Variants in ACYP2 observed in about 807,000 individuals in gnomAD.
ACYP2 encodes acylphosphatase 2.
A neutral mutation model predicts 11.2 loss-of-function variants in ACYP2; 12 were observed. The ratio of observed to expected loss-of-function variants is 1.08; its 90% CI spans 0.69 to 1.74. The LOEUF is 1.74. Ranked by LOEUF, ACYP2 falls within the 40% of genes most tolerant of loss-of-function variation. ACYP2 has a pLI of 0.00. For synonymous variants in ACYP2, 43 were observed against 32.2 expected (o/e 1.33, Z -1.13); for missense variants, 134 against 101.9 (o/e 1.31, Z -1.35).
intron 6 of ACYP2, among the ~76,000 whole-genome samples, chr2:54,198,915 C>G (rs1352007361): frequency 1.3e-5 from 2 of 152,206 alleles, no homozygotes; most frequent in Non-Finnish European, 2.9e-5. Context: ...CCAACACTCT[C>G]TCCCCTCAGC....
chr2:54,234,380 T>C lies in ACYP2; in HGVS notation c.405-70308T>C, dbSNP rs78112166. ...GCCACCTCTACATCTTGGTAGCCAT[T>C]GCTTTGATTGTGCTTTGTCTTCATG... On this transcript the variant is annotated intron_variant, in intron 6 of 6. Coordinates refer to ENST00000607452, the MANE Select transcript of ACYP2 (RefSeq NM_001320586.2). Among the ~76,000 whole-genome samples, 589 of 152,344 alleles carry C rather than the reference T, an allele frequency of 3.9e-3. 1 individual carries two copies. The highest frequency in any genetic ancestry group is 4.4e-3 in the Non-Finnish European group (296 of 68,038).
At chr2:54,177,500 C>T (rs1683510968) in intron 6 of ACYP2, among the ~76,000 whole-genome samples, 1 of 152,056 alleles carries the variant, frequency 6.6e-6, no homozygotes. Flanking sequence ...CCACACCTTG[C>T]AATTAGTCAG....
chr2:54,048,355 G>A (rs1379016568), intron 2 of ACYP2, among the ~76,000 whole-genome samples: 1 of 152,126 alleles, frequency 6.6e-6, no homozygotes, highest in African/African-American at 2.4e-5. Context: ...GAACAAGGGA[G>A]GTCAAGGGTG....
intron 2 of ACYP2, among the ~76,000 whole-genome samples, chr2:53,980,245 T>C (rs1671683409): frequency 6.6e-6 from 1 of 151,918 alleles, no homozygotes; most frequent in Non-Finnish European, 1.5e-5. Flanking sequence ...CCCAGCTACC[T>C]GGGAGGCTGA....
intron 2 of ACYP2, among the ~76,000 whole-genome samples, chr2:53,982,739 C>T (rs1230926815): frequency 6.6e-6 from 1 of 151,782 alleles, no homozygotes; most frequent in Non-Finnish European, 1.5e-5. Flanking sequence ...TTCTGTTGTC[C>T]CAGTTTGGCA....
chr2:54,215,648 G>A (rs1285936725), intron 6 of ACYP2, among the ~76,000 whole-genome samples: 1 of 152,028 alleles, frequency 6.6e-6, no homozygotes, highest in Non-Finnish European at 1.5e-5. Context: ...AATAAATTGT[G>A]TAAATTTATA....
At chr2:54,102,439 T>G (rs1317431505) in intron 4 of ACYP2, among the ~76,000 whole-genome samples, 2 of 152,066 alleles carry the variant, frequency 1.3e-5, no homozygotes, top group Admixed American at 1.3e-4. Context: ...TCACAGAAAG[T>G]GCTATCCCTC....
rs943857963 is a variant in ACYP2 at position 54,125,737 on chromosome 2, C to G, written c.278-9716C>G. Among the ~76,000 whole-genome samples, 3 of 146,146 alleles carry G rather than the reference C, an allele frequency of 2.1e-5. 1 individual carries two copies. Among genetic ancestry groups the G allele is most frequent in the South Asian group, 4.3e-4 (2 of 4,662 alleles). Reference sequence around the variant, plus strand: ...TGCACTCCAGCCTGGGGAACAAGAACGAGACTATGTCTCAAAAAACAAAAA... The same window carrying G: ...TGCACTCCAGCCTGGGGAACAAGAAGGAGACTATGTCTCAAAAAACAAAAA... On this transcript the variant is annotated intron_variant, in intron 4 of 6. Coordinates refer to ENST00000607452, the MANE Select transcript of ACYP2 (RefSeq NM_001320586.2).
rs550142135 is a variant in ACYP2 at position 54,035,009 on chromosome 2, C to CAAAAAAAAAAAAAAAAAAA, written c.63-15944_63-15926dup. On this transcript the variant is annotated intron_variant, in intron 2 of 6. Transcript: ENST00000607452. ...CAGGCGACAGTGCGAGACTACATCT[C>CAAAAAAAAAAAAAAAAAAA]AAAAAAAAAAAAAAAAAAAAAAAGC... Among the ~76,000 whole-genome samples, 266 of 44,760 alleles carry CAAAAAAAAAAAAAAAAAAA rather than the reference C, an allele frequency of 5.9e-3. 31 individuals are homozygous for CAAAAAAAAAAAAAAAAAAA. The highest frequency in any genetic ancestry group is 9.1e-3 in the Non-Finnish European group (173 of 18,944). The allele number at this position is 44,760 out of a possible 152,430, so 29.4% of individuals were successfully genotyped here.
chr2:54,250,989 C>T (rs941112215), intron 6 of ACYP2, among the ~76,000 whole-genome samples: 10 of 152,212 alleles, frequency 6.6e-5, no homozygotes, highest in Admixed American at 1.3e-4. Flanking sequence ...TACATGGTGA[C>T]GCCAGTCTTC....
intron 2 of ACYP2, among the ~76,000 whole-genome samples, chr2:53,974,225 T>C (rs1671351123): frequency 6.6e-6 from 1 of 152,030 alleles, no homozygotes; most frequent in African/African-American, 2.4e-5. Flanking sequence ...TATTTAGATA[T>C]ATTTAAATAT....
At chr2:54,040,869 G>A (rs1349935799) in intron 2 of ACYP2, among the ~76,000 whole-genome samples, 1 of 152,108 alleles carries the variant, frequency 6.6e-6, no homozygotes, top group African/African-American at 2.4e-5. Context: ...GAAAGAAATG[G>A]AGGTAGTAGC....
chr2:54,002,252 C>T (rs191738561), intron 2 of ACYP2, among the ~76,000 whole-genome samples: 1 of 152,282 alleles, frequency 6.6e-6, no homozygotes, highest in Non-Finnish European at 1.5e-5. Context: ...CAGCAGGAGT[C>T]ATACAGTATG....
rs192349338 is a variant in ACYP2 at position 54,033,135 on chromosome 2, A to G, written c.63-17823A>G. On this transcript the variant is annotated intron_variant, in intron 2 of 6. Coordinates refer to ENST00000607452, the MANE Select transcript of ACYP2 (RefSeq NM_001320586.2). ...GAGCTTTGTGAGGTCTGCGAAATTA[A>G]TGAGGCTCACAGAGATATGAGTGTG... Among the ~76,000 whole-genome samples, 19 of 152,216 alleles carry G rather than the reference A, an allele frequency of 1.2e-4. No individual in the cohort carries two copies. The East Asian group carries it at 3.7e-3, about 29-fold the overall frequency.
At chr2:54,290,331 G>T (rs562333962) in intron 6 of ACYP2, among the ~76,000 whole-genome samples, 2 of 152,028 alleles carry the variant, frequency 1.3e-5, no homozygotes, top group Non-Finnish European at 2.9e-5. Flanking sequence ...AATGGAAAAG[G>T]TATCTAACGA....
At chr2:54,103,944 C>A (rs182636211) in intron 4 of ACYP2, among the ~76,000 whole-genome samples, 2 of 152,310 alleles carry the variant, frequency 1.3e-5, no homozygotes, top group Admixed American at 1.3e-4. Context: ...TGCAGCTACA[C>A]TGAATACAGA....
chr2:54,294,652 C>A (rs572966767), intron 6 of ACYP2, among the ~76,000 whole-genome samples: 4 of 152,120 alleles, frequency 2.6e-5, no homozygotes, highest in Non-Finnish European at 4.4e-5. Flanking sequence ...TGGCTCACTC[C>A]TGTAATTGCA....
chr2:54,160,098 T>C (rs1186914293), intron 6 of ACYP2, among the ~76,000 whole-genome samples: 1 of 152,182 alleles, frequency 6.6e-6, no homozygotes, highest in African/African-American at 2.4e-5. Context: ...GATAAACAAG[T>C]GGCTCGACAA....
intron 6 of ACYP2, among the ~76,000 whole-genome samples, chr2:54,276,649 ACACACACACACAC>A (rs1352695347): frequency 1.2e-4 from 17 of 146,416 alleles, no homozygotes; most frequent in African/African-American, 3.2e-4. Context: ...ACACACACAC[ACACACACACACAC>A]CACACACAAG....
Sources: gnomAD v4.1 joint callset for allele counts (sites outside exome capture counted in the v4.1 genomes callset) on GRCh38, gnomAD v4.1.1 for gene constraint, MANE v1.5 for transcripts, NCBI Gene and HGNC (gene_info 2026-07-23, HGNC 2026-07-21) for gene names.